The following DNM3 variants were observed in gnomAD, a reference collection of about 807,000 sequenced individuals.
The protein encoded by DNM3 is dynamin 3.
DNM3 carries 47 observed loss-of-function variants against 101.6 expected under a neutral mutation model. That is an observed-to-expected ratio of 0.46 (90% CI 0.37 to 0.59). The LOEUF (loss-of-function observed/expected upper bound fraction) is 0.59, where lower values mean the gene tolerates loss of function less well. Ranked by LOEUF, DNM3 falls within the 20% of genes least tolerant of loss-of-function variation. The pLI, the probability that DNM3 is intolerant of heterozygous loss-of-function variation, is 0.00. For synonymous variants in DNM3, 385 were observed against 387.9 expected (o/e 0.99, Z 0.09); for missense variants, 849 against 1,085.7 (o/e 0.78, Z 3.06).
At chr1:171,855,123 A>G (rs1480829023) in intron 1 of DNM3, among the ~76,000 whole-genome samples, 1 of 152,162 alleles carries the variant, frequency 6.6e-6, no homozygotes, top group Non-Finnish European at 1.5e-5. Flanking sequence ...GAGTGAGAAC[A>G]GGCAACATTT....
chr1:172,272,520 AAACC>A (rs2063127877), intron 15 of DNM3, among the ~76,000 whole-genome samples: 2 of 152,146 alleles, frequency 1.3e-5, no homozygotes, highest in Admixed American at 1.3e-4. Flanking sequence ...GTTGCTCCAT[AAACC>A]ATGAAATTAA....
At chr1:171,982,887 T>C (rs1039335523) in intron 2 of DNM3, among the ~76,000 whole-genome samples, 1 of 152,162 alleles carries the variant, frequency 6.6e-6, no homozygotes, top group Admixed American at 6.5e-5. Context: ...CCATCAGTTC[T>C]ACCTATTCAT....
At chr1:172,170,532 T>C (rs2058917660) in intron 14 of DNM3, among the ~76,000 whole-genome samples, 1 of 151,906 alleles carries the variant, frequency 6.6e-6, no homozygotes, top group Non-Finnish European at 1.5e-5. Flanking sequence ...TTAATGTGTG[T>C]AAGGCTCCTA....
Position 172,253,599 on chromosome 1 carries a change from C to G in DNM3, c.1686C>G (p.Pro562=). 6.3e-7 allele frequency: 1 copy of G among 1,584,040 alleles called. No individual in the cohort carries two copies. Among genetic ancestry groups the G allele is most frequent in the South Asian group, 1.2e-5 (1 of 86,714 alleles). Residue 562 remains proline, a synonymous_variant, in exon 15 of 21, where the codon CCC becomes CCG. Coordinates refer to ENST00000627582, the MANE Select transcript of DNM3 (RefSeq NM_015569.5). ...DEEKEKKYML[P]LDNLKVRDVE... ...AAAAAGAAAAGAAGTACATGCTTCC[C>G]TTGGACAACCTGAAAGTTCGGGATG...
chr1:172,015,200 G>T (rs1013755682), intron 4 of DNM3, among the ~76,000 whole-genome samples: 2 of 152,148 alleles, frequency 1.3e-5, no homozygotes, highest in Non-Finnish European at 2.9e-5. Flanking sequence ...AAAGTCAGAG[G>T]TGTCAGTCCT....
In DNM3 at chr1:172,409,893, A is replaced by T; in HGVS notation, c.*2052A>T. 2 of 985,732 alleles carry T rather than the reference A, an allele frequency of 2.0e-6. No homozygotes were observed. Among genetic ancestry groups the T allele is most frequent in the Non-Finnish European group, 2.4e-6 (2 of 829,876 alleles). The allele number at this position is 985,732 out of a possible 1,614,324, so 61.1% of individuals were successfully genotyped here. On this transcript the variant is annotated 3_prime_UTR_variant, in exon 21 of 21. Transcript: ENST00000627582. ...CCTTCTGTTAAAGGAAAATATTGTG[A>T]ATAACCACTGGTGTGTTCTTAGATC...
At chr1:172,102,662 C>G (rs1212584644) in intron 13 of DNM3, among the ~76,000 whole-genome samples, 1 of 152,120 alleles carries the variant, frequency 6.6e-6, no homozygotes, top group Non-Finnish European at 1.5e-5. Context: ...ACAGTAGAGG[C>G]ATGGTCTTGT....
chr1:172,095,241 T>C (rs1416827054), intron 13 of DNM3, among the ~76,000 whole-genome samples: 1 of 152,190 alleles, frequency 6.6e-6, no homozygotes, highest in Non-Finnish European at 1.5e-5. Flanking sequence ...CAGCACCATA[T>C]AATGAAACAT....
At chr1:172,163,977 A>T (rs1005856124) in intron 14 of DNM3, among the ~76,000 whole-genome samples, 16 of 151,854 alleles carry the variant, frequency 1.1e-4, no homozygotes, top group African/African-American at 3.9e-4. Flanking sequence ...ACACACACAC[A>T]CACACACACA....
At chr1:172,268,868 G>A (rs2062973733) in intron 15 of DNM3, among the ~76,000 whole-genome samples, 1 of 152,254 alleles carries the variant, frequency 6.6e-6, no homozygotes, top group Non-Finnish European at 1.5e-5. Flanking sequence ...TAGCAAGTTA[G>A]TGCTTTTCAA....
chr1:172,275,058 A>G (rs2063227183), intron 15 of DNM3, among the ~76,000 whole-genome samples: 1 of 152,082 alleles, frequency 6.6e-6, no homozygotes, highest in Non-Finnish European at 1.5e-5. Context: ...TGCACTGTCT[A>G]GTCAAGGTTA....
chr1:172,168,721 T>C (rs2058841880), intron 14 of DNM3, among the ~76,000 whole-genome samples: 1 of 151,858 alleles, frequency 6.6e-6, no homozygotes, highest in Non-Finnish European at 1.5e-5. Flanking sequence ...AGACATTAGG[T>C]TTGCAAGGTG....
chr1:172,147,485 G>A (rs2057957712), intron 14 of DNM3, among the ~76,000 whole-genome samples: 1 of 152,070 alleles, frequency 6.6e-6, no homozygotes, highest in South Asian at 2.1e-4. Context: ...ATGGTTTTGG[G>A]TGACTACAAA....
At chr1:171,907,554 A>G (rs948146280) in intron 1 of DNM3, among the ~76,000 whole-genome samples, 12 of 150,918 alleles carry the variant, frequency 8.0e-5, no homozygotes, top group Non-Finnish European at 1.2e-4. Flanking sequence ...TTCTTCCATC[A>G]CTCCCCATTT....
chr1:172,038,251 T>G, intron 6 of DNM3, 68 bp from the exon 7 acceptor site: 3 of 1,568,612 alleles, frequency 1.9e-6, no homozygotes, highest in Non-Finnish European at 2.6e-6. Context: ...CTTTGTCTCA[T>G]GAGTTAATCT....
intron 2 of DNM3, among the ~76,000 whole-genome samples, chr1:171,972,945 C>T (rs1001183928): frequency 6.6e-6 from 1 of 152,010 alleles, no homozygotes; most frequent in Admixed American, 6.6e-5. Flanking sequence ...CTCTCAATAC[C>T]CTGAAGTTAT....
chr1:172,079,149 A>G (rs943645101), intron 11 of DNM3, among the ~76,000 whole-genome samples: 23 of 152,054 alleles, frequency 1.5e-4, no homozygotes, highest in Admixed American at 2.0e-4. Context: ...TATTTCCTGA[A>G]TTTGAATGTT....
At chr1:172,141,314 T>A (rs1350943234) in intron 14 of DNM3, among the ~76,000 whole-genome samples, 3 of 152,116 alleles carry the variant, frequency 2.0e-5, no homozygotes, top group Non-Finnish European at 4.4e-5. Flanking sequence ...AAAGTTTCTA[T>A]CTTAACTCAG....
chr1:172,086,054 G>A (rs113254300), intron 12 of DNM3, among the ~76,000 whole-genome samples: 1 of 152,122 alleles, frequency 6.6e-6, no homozygotes, highest in African/African-American at 2.4e-5. Context: ...CACATATCCT[G>A]TTCAAATAAG....
Sources: gnomAD v4.1 joint callset for allele counts (sites outside exome capture counted in the v4.1 genomes callset) on GRCh38, gnomAD v4.1.1 for gene constraint, MANE v1.5 for transcripts, NCBI Gene and HGNC (gene_info 2026-07-23, HGNC 2026-07-21) for gene names.